WDR93: variants seen among roughly 807,000 people sequenced by gnomAD.
WDR93 encodes WD repeat domain 93.
Under a neutral mutation model 82.9 loss-of-function variants are expected in WDR93, and 73 were observed. That is an observed-to-expected ratio of 0.88 (90% CI 0.73 to 1.07). The LOEUF (loss-of-function observed/expected upper bound fraction) is 1.07. Among genes scored for constraint, WDR93 ranks in the 50% least tolerant of loss-of-function variants. The pLI is 0.00. For synonymous variants in WDR93, 283 were observed against 300.1 expected, an observed-to-expected ratio of 0.94 and a Z score of 0.59; for missense variants, 738 against 826.0, an observed-to-expected ratio of 0.89 and a Z score of 1.31.
In WDR93 at chr15:89,722,774, T is replaced by G. The variant is rs545248272; in HGVS notation, c.880+635T>G. On this transcript the variant is annotated intron_variant, in intron 8 of 16. Transcript: ENST00000268130. ...TTGTAGGCGGCAAATACAGAGGATA[T>G]CCTCTCAGCATTCACACATGATCAC... Among the ~76,000 whole-genome samples the G allele has an allele frequency of 2.6e-5, 4 of 151,940 alleles. No individual in the cohort carries two copies. The East Asian group carries it at 7.7e-4, about 29-fold the overall frequency.
intron 14 of WDR93, 110 bp from the exon 15 acceptor site, chr15:89,737,463 T>G (rs1596128149): frequency 7.0e-6 from 10 of 1,425,114 alleles, no homozygotes; most frequent in East Asian, 2.3e-5. Flanking sequence ...GCCCAAGAGG[T>G]TTTATGTCCA....
intron 8 of WDR93, among the ~76,000 whole-genome samples, chr15:89,723,287 A>G (rs1966601871): frequency 6.6e-6 from 1 of 152,102 alleles, no homozygotes; most frequent in Non-Finnish European, 1.5e-5. Context: ...TTAAAAAAAC[A>G]AAAGAGAGGC....
rs754134304 is a variant in WDR93 at position 89,731,439 on chromosome 15, C to G, written c.1211-4C>G. ...AACCGGTTGAGTATTGTCCTTCCCCCTAGACCCCGAGGGTGTGTGGCCCTG... is the reference window on the plus strand; with the variant it reads ...AACCGGTTGAGTATTGTCCTTCCCCGTAGACCCCGAGGGTGTGTGGCCCTG... On this transcript the variant is annotated splice_polypyrimidine_tract_variant and splice_region_variant and intron_variant, in intron 11 of 16. Transcript: ENST00000268130. 7.2e-5 allele frequency: 117 copies of G among 1,613,958 alleles called. No individual in the cohort carries two copies. In the East Asian group the frequency reaches 2.6e-3, roughly 36 times the overall value.
intron 13 of WDR93, 89 bp from the exon 14 acceptor site, chr15:89,735,401 A>G: frequency 2.2e-6 from 3 of 1,365,178 alleles, no homozygotes; most frequent in Non-Finnish European, 3.1e-6. Context: ...GATTTCTCTG[A>G]ATTTCTCCAG....
intron 5 of WDR93, among the ~76,000 whole-genome samples, chr15:89,713,485 T>G (rs990460388): frequency 3.3e-5 from 5 of 152,006 alleles, no homozygotes; most frequent in African/African-American, 1.2e-4. Flanking sequence ...ATTTTGTTTT[T>G]TTTTTGAGAA....
intron 9 of WDR93, among the ~76,000 whole-genome samples, chr15:89,728,383 C>A (rs1173896675): frequency 2.6e-5 from 4 of 152,138 alleles, no homozygotes; most frequent in African/African-American, 7.2e-5. Flanking sequence ...GAAGTGAAAT[C>A]TCTCGTGCTG....
Position 89,717,033 on chromosome 15 carries a change from T to C in WDR93, c.795+84T>C, listed in dbSNP as rs183950415. ...TAAAAATTATTATTTTTCTTTTCTT[T>C]TCTTTTTCTTTCTTTTTTTTTTTTT... On this transcript the variant is annotated intron_variant, in intron 7 of 16. Coordinates refer to ENST00000268130, the MANE Select transcript of WDR93 (RefSeq NM_020212.2). 13 of 674,182 alleles carry C rather than the reference T, an allele frequency of 1.9e-5. No homozygotes were observed. In the East Asian group the frequency reaches 4.4e-4, roughly 23 times the overall value. The allele number at this position is 674,182 out of a possible 1,614,324, so 41.8% of individuals were successfully genotyped here.
At chr15:89,715,974 AACC>A (rs1414257906) in intron 6 of WDR93, among the ~76,000 whole-genome samples, 1 of 152,188 alleles carries the variant, frequency 6.6e-6, no homozygotes, top group Non-Finnish European at 1.5e-5. Context: ...TTTACTTTTA[AACC>A]ACCAACATTA....
intron 11 of WDR93, among the ~76,000 whole-genome samples, chr15:89,731,142 A>G (rs929795341): frequency 1.3e-5 from 2 of 152,202 alleles, no homozygotes; most frequent in Non-Finnish European, 2.9e-5. Context: ...TACTTTATAG[A>G]ACCCTTGTGA....
intron 4 of WDR93, among the ~76,000 whole-genome samples, chr15:89,706,690 T>A: frequency 6.6e-6 from 1 of 152,054 alleles, no homozygotes; most frequent in East Asian, 1.9e-4. Context: ...ACAGAGGAAT[T>A]TTTTTGCTAC....
chr15:89,737,111 G>A (rs1967263109), intron 14 of WDR93, among the ~76,000 whole-genome samples: 1 of 152,178 alleles, frequency 6.6e-6, no homozygotes, highest in South Asian at 2.1e-4. Context: ...TTCTAAGGAT[G>A]GGGAGAGTTT....
At chr15:89,729,167 G>C (rs1258740393) in intron 10 of WDR93, 74 bp downstream of exon 10, 3 of 1,398,776 alleles carry the variant, frequency 2.1e-6, no homozygotes, top group Non-Finnish European at 3.0e-6. Flanking sequence ...AGCCCCCACA[G>C]AGATGTTCCC....
chr15:89,706,130 C>G (rs1451914332), intron 4 of WDR93, among the ~76,000 whole-genome samples: 1 of 152,166 alleles, frequency 6.6e-6, no homozygotes, highest in Non-Finnish European at 1.5e-5. Context: ...ACAGTTTCTA[C>G]CACAGTGTTT....
At chr15:89,710,481 G>A (rs1166943382) in intron 4 of WDR93, among the ~76,000 whole-genome samples, 2 of 152,120 alleles carry the variant, frequency 1.3e-5, no homozygotes, top group African/African-American at 2.4e-5. Flanking sequence ...TAATGGTAAC[G>A]TCCTATACCT....
At chr15:89,742,316 G>A (rs1026014685) in intron 16 of WDR93, among the ~76,000 whole-genome samples, 7 of 151,944 alleles carry the variant, frequency 4.6e-5, no homozygotes, top group African/African-American at 1.7e-4. Context: ...CAAAGCTATG[G>A]TCATTGTCTT....
rs1026934428 is a variant in WDR93, at chr15:89,705,537, T to A, written c.497-17T>A. The A allele has an allele frequency of 1.4e-6, 2 of 1,411,608 alleles. No homozygotes were observed. Among genetic ancestry groups the A allele is most frequent in the Non-Finnish European group, 2.0e-6 (2 of 995,632 alleles). The allele number at this position is 1,411,608 out of a possible 1,614,324, so 87.4% of individuals were successfully genotyped here. Reference sequence around the variant, plus strand: ...CAATTGTCTGTCTTAACATTCTCACTTATTTTTCTGTTTCAGGTATCATTA... The same window carrying A: ...CAATTGTCTGTCTTAACATTCTCACATATTTTTCTGTTTCAGGTATCATTA... On this transcript the variant is annotated splice_polypyrimidine_tract_variant and intron_variant, in intron 3 of 16. Transcript: ENST00000268130.
intron 7 of WDR93, among the ~76,000 whole-genome samples, chr15:89,717,814 C>G (rs1966330003): frequency 6.6e-6 from 1 of 152,212 alleles, no homozygotes; most frequent in East Asian, 1.9e-4. Context: ...TTGCCTCTAC[C>G]AAAATAACAG....
At chr15:89,725,677 C>T (rs2141673601) in intron 8 of WDR93, among the ~76,000 whole-genome samples, 1 of 152,000 alleles carries the variant, frequency 6.6e-6, no homozygotes, top group East Asian at 1.9e-4. Flanking sequence ...ATCCTCCCAC[C>T]TCAGCCTCCC....
At chr15:89,705,368 G>C (rs779233296) in intron 3 of WDR93, 186 bp from the exon 4 acceptor site, 1 of 600,792 alleles carries the variant, frequency 1.7e-6, no homozygotes, top group Non-Finnish European at 3.0e-6. Context: ...AAAACAACCC[G>C]AACATTCAAG....
Sources: allele counts gnomAD v4.1 joint callset (sites outside exome capture counted in the v4.1 genomes callset), GRCh38; gene constraint gnomAD v4.1.1; transcripts MANE v1.5; gene names NCBI Gene and HGNC (gene_info 2026-07-23, HGNC 2026-07-21).